Variants in OAS3 observed in about 807,000 individuals in gnomAD.
The protein encoded by OAS3 is 2'-5'-oligoadenylate synthetase 3.
In OAS3, 107 loss-of-function variants were observed where a neutral mutation model predicts 113.0. The ratio of observed to expected loss-of-function variants is 0.95; its 90% CI spans 0.81 to 1.11. The LOEUF is 1.11. Among genes scored for constraint, OAS3 ranks in the 50% most tolerant of loss-of-function variants. The probability of loss-of-function intolerance (pLI) is 0.00; values close to 1 mark genes in which losing one functional copy is unlikely to be tolerated. For missense variants in OAS3, 1,258 were observed against 1,389.1 expected (o/e 0.91, Z 1.50); for synonymous variants, 552 against 573.6 (o/e 0.96, Z 0.54).
In OAS3 at chr12:112,946,912, G is replaced by A. The variant is rs368028980; in HGVS notation, c.806G>A (p.Trp269Ter). The A allele has an allele frequency of 6.2e-6, 10 of 1,613,894 alleles. No homozygotes were observed. In the African/African-American group the frequency reaches 1.2e-4, roughly 19 times the overall value. ...CAGCATCAGCACCTGTGTGTTTTCT[G>A]GACTGTCAACTATGGCTTCGAGGAC... ...IQQHQHLCVFWTVNYGFEDPA... is the reference protein window; with the variant it reads ...IQQHQHLCVF The change falls in exon 4 of 16, where the codon TGG (tryptophan) becomes TAG (stop). Residue 269 changes from tryptophan to a stop codon, truncating the protein, a stop_gained. Transcript: ENST00000228928. LOFTEE classifies it high-confidence loss of function.
rs2043737030 is a variant in OAS3 at position 112,946,913 on chromosome 12, G to A, written c.807G>A (p.Trp269Ter). 2.5e-6 allele frequency: 4 copies of A among 1,614,030 alleles called. No individual in the cohort carries two copies. Among genetic ancestry groups the A allele is most frequent in the Non-Finnish European group, 3.4e-6 (4 of 1,179,898 alleles). The part of the protein sequence containing the change: ...IQQHQHLCVF[W>*]TVNYGFEDPA... ...AGCATCAGCACCTGTGTGTTTTCTG[G>A]ACTGTCAACTATGGCTTCGAGGACC... Residue 269 changes from tryptophan to a stop codon, truncating the protein, a stop_gained, in exon 4 of 16, where the codon TGG (tryptophan) becomes TGA (stop). Transcript: ENST00000228928. LOFTEE classifies it high-confidence loss of function.
At chr12:112,942,149 A>T in intron 2 of OAS3, 1 of 548,684 alleles carries the variant, frequency 1.8e-6, no homozygotes, top group Non-Finnish European at 3.2e-6. Context: ...TTCCACAAAT[A>T]CTCCCGAAAG....
rs1219269965 is a variant in OAS3, at chr12:112,938,552, G to A, written c.22G>A (p.Ala8Thr). ...GGCCATGGACTTGTACAGCACCCCGGCCGCTGCGCTGGACAGGTTCGTGGC... is the reference window on the plus strand; with the variant it reads ...GGCCATGGACTTGTACAGCACCCCGACCGCTGCGCTGGACAGGTTCGTGGC... The part of the protein sequence containing the change: MDLYSTP[A>T]AALDRFVARR... The change falls in exon 1 of 16, where the codon GCC (alanine) becomes ACC (threonine). Residue 8 changes from alanine (A) to threonine (T), a missense_variant. Ala to Thr is a moderately conservative substitution (Grantham distance 58). Coordinates refer to ENST00000228928, the MANE Select transcript of OAS3 (RefSeq NM_006187.4). 2 of 1,607,756 alleles carry A rather than the reference G, an allele frequency of 1.2e-6. No homozygotes were observed. The highest frequency in any genetic ancestry group is 2.2e-5 in the South Asian group (2 of 90,566).
At chr12:112,959,371 G>T (rs967451416) in intron 7 of OAS3, among the ~76,000 whole-genome samples, 1 of 151,568 alleles carries the variant, frequency 6.6e-6, no homozygotes, top group Admixed American at 6.6e-5. Context: ...ACAGTGAGAG[G>T]AGTGAGAGGA....
In OAS3 at chr12:112,961,060, A is replaced by G. The variant is rs781614685; in HGVS notation, c.1658-11A>G. 2 of 1,612,252 alleles carry G rather than the reference A, an allele frequency of 1.2e-6. No homozygotes were observed. The highest frequency in any genetic ancestry group is 1.7e-6 in the Non-Finnish European group (2 of 1,179,202). ...GGAGTTGCACACTCAGGGTGTTTCA[A>G]ACTTCTACAGGGCAGCTCAGTTCTG... On this transcript the variant is annotated splice_polypyrimidine_tract_variant and intron_variant, in intron 7 of 15. Transcript: ENST00000228928.
At chr12:112,953,525 A>G (rs1478857516) in intron 7 of OAS3, among the ~76,000 whole-genome samples, 7 of 152,202 alleles carry the variant, frequency 4.6e-5, no homozygotes, top group African/African-American at 1.7e-4. Context: ...GCTGGGTCAA[A>G]TGGTATTTCT....
At chr12:112,968,793 G>T (rs559463123) in intron 14 of OAS3, among the ~76,000 whole-genome samples, 9 of 152,208 alleles carry the variant, frequency 5.9e-5, no homozygotes, top group Non-Finnish European at 1.2e-4. Context: ...GGGATTACAG[G>T]CATGAGCCAC....
rs2043974047 is a variant in OAS3 at position 112,970,366 on chromosome 12, C to T, written c.*393C>T. ...TCTTTCCTCCTGCTGCAATCCATCC[C>T]TTCCTCCCATTGGCCTCTCCTTGCC... is the stretch of plus-strand genomic sequence containing the variant. On this transcript the variant is annotated 3_prime_UTR_variant, in exon 16 of 16. Transcript: ENST00000228928. 3.6e-6 allele frequency: 1 copy of T among 278,402 alleles called. No individual in the cohort carries two copies. The highest frequency in any genetic ancestry group is 6.9e-6 in the Non-Finnish European group (1 of 145,812). 17.2% of individuals were successfully genotyped at this position (278,402 alleles called of 1,614,324 possible). A position where few individuals can be genotyped will look rare whatever the true frequency, so the allele number is the denominator to read the frequency against.
chr12:112,967,621 T>C, intron 13 of OAS3, 28 bp downstream of exon 13: 1 of 1,601,656 alleles, frequency 6.2e-7, no homozygotes, highest in Non-Finnish European at 8.5e-7. Context: ...GCCACCTTCC[T>C]AAGTTGCCCT....
At chr12:112,962,627 C>T in intron 8 of OAS3, 25 bp from the exon 9 acceptor site, 1 of 1,608,230 alleles carries the variant, frequency 6.2e-7, no homozygotes, top group Non-Finnish European at 8.5e-7. Context: ...AATCACTCAT[C>T]TTTGGTTGGC....
In OAS3 at chr12:112,971,030, C is replaced by T. The variant is rs1593188423; in HGVS notation, c.*1057C>T. ...TAGAGCAAGGCCCACCAGGTCCATC[C>T]AGGAGGCTCTCCTGACCTCAAGTCC... On this transcript the variant is annotated 3_prime_UTR_variant, in exon 16 of 16. Coordinates refer to ENST00000228928, the MANE Select transcript of OAS3 (RefSeq NM_006187.4). The T allele has an allele frequency of 6.6e-6, 1 of 152,496 alleles. No individual in the cohort carries two copies. Among genetic ancestry groups the T allele is most frequent in the Non-Finnish European group, 1.5e-5 (1 of 68,158 alleles). The allele number at this position is 152,496 out of a possible 1,614,324, so 9.4% of individuals were successfully genotyped here.
Position 112,968,096 on chromosome 12 carries a change from G to A in OAS3, c.3026G>A (p.Cys1009Tyr), listed in dbSNP as rs780147028. 1 of 1,613,980 alleles carries A rather than the reference G, an allele frequency of 6.2e-7. No homozygotes were observed. The highest frequency in any genetic ancestry group is 8.5e-7 in the Non-Finnish European group (1 of 1,179,874). ...CTGGTCACCCAGTACCGCCAGCTCTGTATCTACTGGACCATCAACTACAAC... is the reference window on the plus strand; with the variant it reads ...CTGGTCACCCAGTACCGCCAGCTCTATATCTACTGGACCATCAACTACAAC... ...LELVTQYRQL[C>Y]IYWTINYNAK... Residue 1009 changes from cysteine to tyrosine, a missense_variant, in exon 14 of 16, where the codon TGT (cysteine) becomes TAT (tyrosine). Transcript: ENST00000228928.
chr12:112,950,934 G>T lies in OAS3; in HGVS notation c.1616G>T (p.Ser539Ile). Residue 539 changes from serine (S) to isoleucine (I), a missense_variant, in exon 7 of 16, where the codon AGC becomes ATC. Coordinates refer to ENST00000228928, the MANE Select transcript of OAS3 (RefSeq NM_006187.4). ...CAGCTGGTGTCCACAGCCCTGAAGA[G>T]CTGGACGGATGTTAGCCTGCTGCCT... ...QFQLVSTALK[S>I]WTDVSLLPAF... 6.2e-7 allele frequency: 1 copy of T among 1,613,984 alleles called. No homozygotes were observed. Among genetic ancestry groups the T allele is most frequent in the Non-Finnish European group, 8.5e-7 (1 of 1,179,890 alleles).
intron 3 of OAS3, among the ~76,000 whole-genome samples, chr12:112,946,469 A>G (rs975452665): frequency 5.9e-5 from 9 of 152,218 alleles, no homozygotes; most frequent in Admixed American, 4.6e-4. Flanking sequence ...GCAATTTCAG[A>G]CTACCCTTGG....
At position 112,965,915 on chromosome 12, in the gene OAS3, A is replaced by G; in HGVS notation, c.2575A>G (p.Lys859Glu). Residue 859 changes from lysine to glutamate, a missense_variant, in exon 12 of 16, where the codon AAG becomes GAG. By Grantham distance (56) the Lys-to-Glu change is moderately conservative. Coordinates refer to ENST00000228928, the MANE Select transcript of OAS3 (RefSeq NM_006187.4). ...TCAACAGGAGCGGCAGTTCGAGGTCAAGTTTGAAGTCTCCAAATGGGAGAA... is the reference window on the plus strand; with the variant it reads ...TCAACAGGAGCGGCAGTTCGAGGTCGAGTTTGAAGTCTCCAAATGGGAGAA... ...ACQQERQFEV[K>E]FEVSKWENPR... 1 of 1,613,762 alleles carries G rather than the reference A, an allele frequency of 6.2e-7. No individual in the cohort carries two copies. The highest frequency in any genetic ancestry group is 1.1e-5 in the South Asian group (1 of 90,988).
chr12:112,965,748 G>T lies in OAS3; in HGVS notation c.2408G>T (p.Gly803Val), dbSNP rs1415997766. ...CACCTGCCATGTCCTCTCCAGGGTG[G>T]CTCTTCAGCCAAAGGCACAGCTCTG... The part of the protein sequence containing the change: ...PIKVIKVVKG[G>V]SSAKGTALRG... The change falls in exon 12 of 16, where the codon GGC becomes GTC. Residue 803 changes from glycine to valine, a missense_variant. Coordinates refer to ENST00000228928, the MANE Select transcript of OAS3 (RefSeq NM_006187.4). The T allele has an allele frequency of 6.2e-6, 10 of 1,608,520 alleles. No homozygotes were observed. The East Asian group carries it at 2.0e-4, about 32-fold the overall frequency.
Position 112,948,023 on chromosome 12 carries a change from A to G in OAS3, c.953A>G (p.Gln318Arg). Residue 318 changes from glutamine (Q) to arginine (R), a missense_variant, in exon 5 of 16, where the codon CAG becomes CGG. Coordinates refer to ENST00000228928, the MANE Select transcript of OAS3 (RefSeq NM_006187.4). ...GAAWHWDLLA[Q>R]EAASCYDHPC... ...GCCTGGCACTGGGATTTGCTAGCCC[A>G]GGAGGCAGCATCCTGCTATGACCAC... The G allele has an allele frequency of 3.1e-6, 5 of 1,601,724 alleles. No homozygotes were observed. Among genetic ancestry groups the G allele is most frequent in the Non-Finnish European group, 4.3e-6 (5 of 1,173,874 alleles).
Position 112,948,038 on chromosome 12 carries a change from G to C in OAS3, c.968G>C (p.Cys323Ser), listed in dbSNP as rs771052891. The C allele has an allele frequency of 4.4e-6, 7 of 1,596,154 alleles. No individual in the cohort carries two copies. The African/African-American group carries it at 9.4e-5, about 22-fold the overall frequency. ...TTGCTAGCCCAGGAGGCAGCATCCT[G>C]CTATGACCACCCATGCTTTCTGAGG... ...WDLLAQEAAS[C>S]YDHPCFLRGM... The change falls in exon 5 of 16, where the codon TGC (cysteine) becomes TCC (serine). Residue 323 changes from cysteine to serine, a missense_variant. Coordinates refer to ENST00000228928, the MANE Select transcript of OAS3 (RefSeq NM_006187.4).
chr12:112,943,145 G>A (rs915358542), intron 2 of OAS3, among the ~76,000 whole-genome samples: 2 of 151,928 alleles, frequency 1.3e-5, no homozygotes, highest in East Asian at 1.9e-4. Flanking sequence ...ATGTTGTCTA[G>A]GCTGGTCTTG....
Sources: gnomAD v4.1 joint callset for allele counts (sites outside exome capture counted in the v4.1 genomes callset) on GRCh38, gnomAD v4.1.1 for gene constraint, MANE v1.5 for transcripts, NCBI Gene and HGNC (gene_info 2026-07-23, HGNC 2026-07-21) for gene names.